FAT3: variants seen among roughly 807,000 people sequenced by gnomAD.
The protein encoded by FAT3 is protocadherin Fat 3.
In FAT3, 95 loss-of-function variants were observed where a neutral mutation model predicts 310.2. That is an observed-to-expected ratio of 0.31 (90% CI 0.26 to 0.36). The LOEUF is 0.36. Among genes scored for constraint, FAT3 ranks in the 10% least tolerant of loss-of-function variants. The probability of loss-of-function intolerance (pLI) is 1.00; values close to 1 mark genes in which losing one functional copy is unlikely to be tolerated. For missense variants in FAT3, 5,408 were observed against 5,715.6 expected (o/e 0.95, Z 1.74); for synonymous variants, 2,314 against 2,192.9 (o/e 1.06, Z -1.54).
chr11:92,659,500 T>C (rs1942698835), intron 3 of FAT3, among the ~76,000 whole-genome samples: 1 of 152,204 alleles, frequency 6.6e-6, no homozygotes, highest in Non-Finnish European at 1.5e-5. Context: ...ACTTTTTCCT[T>C]CTATGCATGC....
intron 3 of FAT3, among the ~76,000 whole-genome samples, chr11:92,653,922 C>T (rs1565489432): frequency 1.3e-5 from 2 of 152,182 alleles, no homozygotes; most frequent in Non-Finnish European, 2.9e-5. Context: ...TCTCACAGCT[C>T]TCCATAAATC....
intron 2 of FAT3, among the ~76,000 whole-genome samples, chr11:92,461,625 C>T (rs949153502): frequency 6.6e-6 from 1 of 152,012 alleles, no homozygotes; most frequent in African/African-American, 2.4e-5. Context: ...GGAGAGACCT[C>T]CAAGTAGAGG....
chr11:92,727,772 G>A (rs1251660027), intron 4 of FAT3, among the ~76,000 whole-genome samples: 1 of 152,176 alleles, frequency 6.6e-6, no homozygotes, highest in Non-Finnish European at 1.5e-5. Flanking sequence ...TAAAGTGACA[G>A]GCTCCACTTT....
chr11:92,280,861 C>G (rs1278420355), intron 1 of FAT3, among the ~76,000 whole-genome samples: 1 of 152,148 alleles, frequency 6.6e-6, no homozygotes, highest in Non-Finnish European at 1.5e-5. Flanking sequence ...TTTCTTGTGT[C>G]AACCCTGTTC....
At chr11:92,559,383 CTTT>C (rs386374501) in intron 3 of FAT3, 477 of 143,660 alleles carry the variant, frequency 3.3e-3, no homozygotes, top group South Asian at 0.013. Flanking sequence ...ACTTATTTTC[CTTT>C]TTTTTTTTTT....
intron 4 of FAT3, among the ~76,000 whole-genome samples, chr11:92,750,537 A>G (rs1945802119): frequency 6.6e-6 from 1 of 152,200 alleles, no homozygotes; most frequent in Non-Finnish European, 1.5e-5. Flanking sequence ...AGCAGAAACA[A>G]CAGAAAGCAG....
At chr11:92,709,172 C>T (rs186619092) in intron 4 of FAT3, among the ~76,000 whole-genome samples, 159 of 152,310 alleles carry the variant, frequency 1.0e-3, no homozygotes, top group African/African-American at 3.7e-3. Context: ...AGCTTTCTCC[C>T]GGAATCATAA....
At chr11:92,355,477 A>T in intron 2 of FAT3, 73 bp downstream of exon 2, 1 of 1,395,610 alleles carries the variant, frequency 7.2e-7, no homozygotes, top group South Asian at 1.4e-5. Context: ...AAGTAAAGGG[A>T]TGTTAGGACA....
intron 1 of FAT3, among the ~76,000 whole-genome samples, chr11:92,291,860 A>T (rs1392867238): frequency 6.6e-6 from 1 of 152,008 alleles, no homozygotes; most frequent in African/African-American, 2.4e-5. Flanking sequence ...CTTGCCTTCC[A>T]TGTTCCTCTG....
chr11:92,370,854 G>A (rs538030897), intron 2 of FAT3, among the ~76,000 whole-genome samples: 41 of 152,274 alleles, frequency 2.7e-4, no homozygotes, highest in African/African-American at 9.9e-4. Flanking sequence ...CTCAAACATA[G>A]ATAATGATAC....
rs187314509 is a variant in FAT3 at position 92,355,199 on chromosome 11, G to A, written c.3087G>A (p.Val1029=). Residue 1029 remains valine (V), a synonymous_variant, in exon 2 of 28, where the codon GTG becomes GTA. Coordinates refer to ENST00000525166, the MANE Select transcript of FAT3 (RefSeq NM_001367949.2). ...TGTCATCTGTTTCCTTTGTTGAGGT[G>A]GAAGTGGTGGATGTCAATGAAAACC... ...VSLSSVSFVE[V]EVVDVNENLH... The A allele has an allele frequency of 2.4e-4, 383 of 1,613,752 alleles. 1 individual carries two copies. The African/African-American group carries it at 3.7e-3, about 16-fold the overall frequency.
intron 3 of FAT3, among the ~76,000 whole-genome samples, chr11:92,563,664 G>A (rs1955314529): frequency 6.6e-6 from 1 of 152,030 alleles, no homozygotes; most frequent in African/African-American, 2.4e-5. Flanking sequence ...TCAAAGGGAA[G>A]CCCATCAGAC....
chr11:92,865,548 C>G (rs1206694919), intron 21 of FAT3, among the ~76,000 whole-genome samples: 1 of 152,194 alleles, frequency 6.6e-6, no homozygotes, highest in Non-Finnish European at 1.5e-5. Context: ...GGTCCTCTTG[C>G]TGGGTCATAG....
intron 2 of FAT3, among the ~76,000 whole-genome samples, chr11:92,368,944 T>A (rs182513520): frequency 1.8e-3 from 275 of 151,464 alleles, no homozygotes; most frequent in African/African-American, 6.3e-3. Flanking sequence ...ATATATATAC[T>A]GTTGTTAGCC....
intron 3 of FAT3, among the ~76,000 whole-genome samples, chr11:92,578,417 GT>G (rs1243351945): frequency 6.6e-6 from 1 of 152,032 alleles, no homozygotes; most frequent in East Asian, 1.9e-4. Context: ...GTCATGTATT[GT>G]TATCCTGATC....
chr11:92,357,621 G>A (rs942961622), intron 2 of FAT3, among the ~76,000 whole-genome samples: 5 of 152,068 alleles, frequency 3.3e-5, no homozygotes, highest in African/African-American at 1.2e-4. Flanking sequence ...CATAGGAAAA[G>A]TATGAGCTGA....
intron 21 of FAT3, among the ~76,000 whole-genome samples, chr11:92,865,236 C>T (rs1259337611): frequency 3.3e-5 from 5 of 152,206 alleles, no homozygotes; most frequent in Non-Finnish European, 7.3e-5. Context: ...CCTAAGAATT[C>T]AGTTGTCTGT....
intron 2 of FAT3, among the ~76,000 whole-genome samples, chr11:92,401,561 GA>G (rs1950013183): frequency 6.6e-6 from 1 of 152,160 alleles, no homozygotes. Flanking sequence ...CTCTACCTGT[GA>G]AGAGGGACAG....
At chr11:92,383,492 T>G (rs1949548285) in intron 2 of FAT3, among the ~76,000 whole-genome samples, 1 of 152,182 alleles carries the variant, frequency 6.6e-6, no homozygotes, top group African/African-American at 2.4e-5. Flanking sequence ...GTATTTGTTT[T>G]CCCTCCCAGT....
Sources: gnomAD v4.1 joint callset for allele counts (sites outside exome capture counted in the v4.1 genomes callset) on GRCh38, gnomAD v4.1.1 for gene constraint, MANE v1.5 for transcripts, NCBI Gene and HGNC (gene_info 2026-07-23, HGNC 2026-07-21) for gene names.